Variants in PCP4 observed in about 807,000 individuals in gnomAD.
The protein encoded by PCP4 is Purkinje cell protein 4.
PCP4 carries 8 observed loss-of-function variants against 10.0 expected under a neutral mutation model. That is an observed-to-expected ratio of 0.80 (90% CI 0.47 to 1.45). The LOEUF (loss-of-function observed/expected upper bound fraction) is 1.45, where lower values mean the gene tolerates loss of function less well. Ranked by LOEUF, PCP4 falls within the 40% of genes most tolerant of loss-of-function variation. The pLI is 0.00. For missense variants in PCP4, 54 were observed against 74.4 expected (o/e 0.73, Z 1.01); for synonymous variants, 21 against 23.0 (o/e 0.91, Z 0.24).
intron 1 of PCP4, among the ~76,000 whole-genome samples, chr21:39,889,211 T>A (rs1361569895): frequency 6.6e-6 from 1 of 152,126 alleles, no homozygotes; most frequent in South Asian, 2.1e-4. Context: ...TTACGAATAT[T>A]TGGTGGCCAC....
intron 2 of PCP4, among the ~76,000 whole-genome samples, chr21:39,903,017 GATTT>G (rs1441804327): frequency 1.3e-5 from 2 of 152,164 alleles, no homozygotes; most frequent in African/African-American, 4.8e-5. Flanking sequence ...ACAACCGAAA[GATTT>G]TTGGGGGAAA....
chr21:39,899,171 A>C (rs1284971315), intron 2 of PCP4, among the ~76,000 whole-genome samples: 1 of 152,162 alleles, frequency 6.6e-6, no homozygotes, highest in Admixed American at 6.5e-5. Flanking sequence ...AAGTGCATGG[A>C]TCCTGAAGGA....
intron 1 of PCP4, among the ~76,000 whole-genome samples, chr21:39,882,204 C>T (rs2087379262): frequency 6.6e-6 from 1 of 152,228 alleles, no homozygotes. Flanking sequence ...CAGGTTTGGC[C>T]TGTGTGCTTT....
chr21:39,890,528 T>C (rs2146333172), intron 1 of PCP4, among the ~76,000 whole-genome samples: 1 of 151,738 alleles, frequency 6.6e-6, no homozygotes, highest in African/African-American at 2.4e-5. Context: ...GCTCATTTTT[T>C]TTTTTTTAAT....
chr21:39,920,283 T>TG (rs1245636036), intron 2 of PCP4, among the ~76,000 whole-genome samples: 2 of 116,068 alleles, frequency 1.7e-5, no homozygotes, highest in Non-Finnish European at 3.6e-5. Context: ...GTGTAGTGTG[T>TG]GTGGTGTGTG....
rs543266765 is a variant in PCP4, at chr21:39,882,507, G to A, written c.9+14997G>A. 1.2e-4 allele frequency among the ~76,000 whole-genome samples: 18 copies of A among 152,346 alleles called. No individual in the cohort carries two copies. In the South Asian group the frequency reaches 3.1e-3, roughly 26 times the overall value. ...TTACTGCTGAAAGCAAAGAAAAGAT[G>A]TGTCTTTCTCTGTGGCCGGTTTTTG... On this transcript the variant is annotated intron_variant, in intron 1 of 2. Transcript: ENST00000328619.
chr21:39,923,421 T>A (rs149230279), intron 2 of PCP4, among the ~76,000 whole-genome samples: 64 of 152,358 alleles, frequency 4.2e-4, no homozygotes, highest in African/African-American at 1.4e-3. Flanking sequence ...CTGTGATTGA[T>A]GGAGAGCCCA....
chr21:39,883,383 TC>T (rs2087385168), intron 1 of PCP4: 1 of 152,170 alleles, frequency 6.6e-6, no homozygotes, highest in Non-Finnish European at 1.5e-5. Context: ...GCCACTGAGT[TC>T]TCCCAGTCTT....
At chr21:39,920,423 GTGAC>G (rs754667395) in intron 2 of PCP4, among the ~76,000 whole-genome samples, 16 of 151,292 alleles carry the variant, frequency 1.1e-4, no homozygotes, top group Non-Finnish European at 2.1e-4. Context: ...TGTGTGGTGT[GTGAC>G]TGTGTGATGG....
intron 1 of PCP4, among the ~76,000 whole-genome samples, chr21:39,883,258 G>A (rs1377310358): frequency 2.0e-5 from 3 of 152,166 alleles, no homozygotes; most frequent in Admixed American, 2.0e-4. Context: ...AGGTGAATTT[G>A]GCTGTAGCTG....
intron 2 of PCP4, among the ~76,000 whole-genome samples, chr21:39,901,361 C>T (rs2146338969): frequency 6.6e-6 from 1 of 152,326 alleles, no homozygotes; most frequent in Middle Eastern, 3.4e-3. Flanking sequence ...CATGTCATGC[C>T]TTGAGGAGCC....
chr21:39,884,362 A>G (rs1184126811), intron 1 of PCP4, among the ~76,000 whole-genome samples: 1 of 151,736 alleles, frequency 6.6e-6, no homozygotes, highest in Non-Finnish European at 1.5e-5. Context: ...TATTTTTAGT[A>G]GAGACGGGGT....
intron 1 of PCP4, among the ~76,000 whole-genome samples, chr21:39,881,080 T>C (rs1184923586): frequency 2.0e-5 from 3 of 152,204 alleles, no homozygotes; most frequent in Non-Finnish European, 4.4e-5. Flanking sequence ...ATGGCCCATA[T>C]AACTTTTACC....
intron 1 of PCP4, among the ~76,000 whole-genome samples, chr21:39,887,942 A>G (rs59467848): frequency 0.13 from 19,847 of 152,148 alleles, 1,489 homozygotes; most frequent in African/African-American, 0.2. Flanking sequence ...AGGAATATGC[A>G]ATATCTGAAA....
At chr21:39,914,305 G>A (rs2087557436) in intron 2 of PCP4, among the ~76,000 whole-genome samples, 1 of 152,132 alleles carries the variant, frequency 6.6e-6, no homozygotes, top group Non-Finnish European at 1.5e-5. Flanking sequence ...CTTTGGCCAG[G>A]CGTGGTGGCT....
intron 1 of PCP4, among the ~76,000 whole-genome samples, chr21:39,872,062 G>T (rs1264578017): frequency 1.3e-5 from 2 of 152,074 alleles, no homozygotes; most frequent in Non-Finnish European, 2.9e-5. Flanking sequence ...GCAGTAGCGC[G>T]ATCTTGGCTC....
At chr21:39,890,073 G>A (rs1018668180) in intron 1 of PCP4, among the ~76,000 whole-genome samples, 5 of 152,118 alleles carry the variant, frequency 3.3e-5, no homozygotes, top group Non-Finnish European at 5.9e-5. Flanking sequence ...GGGTGGAAGC[G>A]AGGCCTTCCA....
chr21:39,921,507 C>G (rs536562097), intron 2 of PCP4, among the ~76,000 whole-genome samples: 1 of 152,322 alleles, frequency 6.6e-6, no homozygotes, highest in African/African-American at 2.4e-5. Flanking sequence ...TTCTGATTCT[C>G]TATGATGCAA....
chr21:39,905,064 G>A (rs1419357074), intron 2 of PCP4, among the ~76,000 whole-genome samples: 1 of 152,106 alleles, frequency 6.6e-6, no homozygotes, highest in African/African-American at 2.4e-5. Flanking sequence ...TCTGTTTCCC[G>A]CTAGGGCAAT....
Sources: allele counts gnomAD v4.1 joint callset (sites outside exome capture counted in the v4.1 genomes callset), GRCh38; gene constraint gnomAD v4.1.1; transcripts MANE v1.5; gene names NCBI Gene and HGNC (gene_info 2026-07-23, HGNC 2026-07-21).